Variants in PTPN13 observed in about 807,000 individuals in gnomAD.
PTPN13 encodes tyrosine-protein phosphatase non-receptor type 13.
A neutral mutation model predicts 284.0 loss-of-function variants in PTPN13; 191 were observed. The observed-to-expected ratio is 0.67, with a 90% confidence interval of 0.60 to 0.76. The LOEUF (loss-of-function observed/expected upper bound fraction) is 0.76, where lower values mean the gene tolerates loss of function less well. Ranked by LOEUF, PTPN13 falls within the 30% of genes least tolerant of loss-of-function variation. PTPN13 has a pLI of 0.00. For synonymous variants in PTPN13, 986 were observed against 1,022.3 expected, an observed-to-expected ratio of 0.96 and a Z score of 0.68; for missense variants, 2,797 against 2,939.9, an observed-to-expected ratio of 0.95 and a Z score of 1.12.
intron 3 of PTPN13, among the ~76,000 whole-genome samples, chr4:86,674,708 A>G (rs918450743): frequency 6.6e-6 from 1 of 152,230 alleles, no homozygotes; most frequent in Non-Finnish European, 1.5e-5. Context: ...TTCCCATTAC[A>G]TAAGATGAAG....
At chr4:86,667,838 T>C (rs528887317) in intron 2 of PTPN13, among the ~76,000 whole-genome samples, 60 of 152,328 alleles carry the variant, frequency 3.9e-4, no homozygotes, top group African/African-American at 1.4e-3. Context: ...CAAAATGGTT[T>C]CCTGATACTT....
At chr4:86,741,510 T>C in intron 15 of PTPN13, 124 bp from the exon 16 acceptor site, 1 of 817,838 alleles carries the variant, frequency 1.2e-6, no homozygotes, top group Middle Eastern at 2.7e-4. Flanking sequence ...GTCTCTCCCA[T>C]AACATGTGGG....
chr4:86,656,423 G>A (rs1725816135), intron 2 of PTPN13, among the ~76,000 whole-genome samples: 1 of 152,204 alleles, frequency 6.6e-6, no homozygotes, highest in African/African-American at 2.4e-5. Flanking sequence ...GGGTTTTGGT[G>A]TGGATGTCCT....
intron 40 of PTPN13, among the ~76,000 whole-genome samples, chr4:86,794,027 C>CA (rs1206414867): frequency 2.0e-5 from 3 of 152,054 alleles, no homozygotes; most frequent in Non-Finnish European, 2.9e-5. Flanking sequence ...GATAGAGACA[C>CA]AAAAAACCAT....
chr4:86,790,651 C>G (rs1742515651), intron 40 of PTPN13, among the ~76,000 whole-genome samples: 1 of 151,932 alleles, frequency 6.6e-6, no homozygotes, highest in Admixed American at 6.5e-5. Context: ...TAAGGATTCA[C>G]CCTTAGAAGG....
chr4:86,723,746 A>G (rs2149095568), intron 10 of PTPN13, among the ~76,000 whole-genome samples: 1 of 152,294 alleles, frequency 6.6e-6, no homozygotes, highest in South Asian at 2.1e-4. Flanking sequence ...TTTTACTATC[A>G]TCAGCTTGAA....
intron 7 of PTPN13, among the ~76,000 whole-genome samples, chr4:86,706,818 C>G (rs1731819392): frequency 6.6e-6 from 1 of 152,182 alleles, no homozygotes; most frequent in South Asian, 2.1e-4. Context: ...AGAAACATAA[C>G]TTAGGTTTCT....
chr4:86,600,740 A>G (rs529419235), intron 1 of PTPN13, among the ~76,000 whole-genome samples: 2 of 152,162 alleles, frequency 1.3e-5, no homozygotes, highest in East Asian at 1.9e-4. Flanking sequence ...TTTTAGCACT[A>G]TTTAAGTATT....
At chr4:86,635,114 A>C in intron 1 of PTPN13, 138 bp from the exon 2 acceptor site, 1 of 926,654 alleles carries the variant, frequency 1.1e-6, no homozygotes, top group Non-Finnish European at 1.6e-6. Flanking sequence ...GTTTAAGATA[A>C]CATTTAGATT....
intron 1 of PTPN13, among the ~76,000 whole-genome samples, chr4:86,606,663 A>G (rs975882116): frequency 1.3e-5 from 2 of 151,916 alleles, no homozygotes. Context: ...CGTCAAGTGC[A>G]ATGCAATTCA....
chr4:86,803,940 T>A, intron 43 of PTPN13, 83 bp downstream of exon 43: 1 of 1,466,584 alleles, frequency 6.8e-7, no homozygotes, highest in Non-Finnish European at 9.2e-7. Flanking sequence ...GGCCCAAGAT[T>A]AGAAGAATTT....
At chr4:86,763,577 C>T (rs1217131526) in intron 24 of PTPN13, among the ~76,000 whole-genome samples, 3 of 152,104 alleles carry the variant, frequency 2.0e-5, no homozygotes, top group Non-Finnish European at 2.9e-5. Flanking sequence ...CTAAATTCTT[C>T]TGAAGTTCTG....
At chr4:86,708,363 A>G (rs918071680) in intron 7 of PTPN13, among the ~76,000 whole-genome samples, 6 of 151,582 alleles carry the variant, frequency 4.0e-5, no homozygotes, top group Non-Finnish European at 8.9e-5. Context: ...CTGAGAATGT[A>G]TATTTACTTC....
Position 86,606,365 on chromosome 4 carries a change from T to G in PTPN13, c.-6+11576T>G, listed in dbSNP as rs536325164. ...TTACTCATTTTTTAATATTCTGCTATAGTAGTTGGTTTTATATTTGCCCCA... is the reference window on the plus strand; with the variant it reads ...TTACTCATTTTTTAATATTCTGCTAGAGTAGTTGGTTTTATATTTGCCCCA... On this transcript the variant is annotated intron_variant, in intron 1 of 47. Coordinates refer to ENST00000411767, the MANE Select transcript of PTPN13 (RefSeq NM_080683.3). Among the ~76,000 whole-genome samples the G allele has an allele frequency of 3.3e-5, 5 of 152,030 alleles. No individual in the cohort carries two copies. In the South Asian group the frequency reaches 1.0e-3, roughly 31 times the overall value.
intron 14 of PTPN13, among the ~76,000 whole-genome samples, chr4:86,735,243 T>G (rs1297436465): frequency 6.6e-6 from 1 of 152,160 alleles, no homozygotes; most frequent in East Asian, 1.9e-4. Context: ...TGTGGAGAAC[T>G]CACAGTATAC....
At chr4:86,738,969 C>T (rs932364112) in intron 15 of PTPN13, among the ~76,000 whole-genome samples, 1 of 152,212 alleles carries the variant, frequency 6.6e-6, no homozygotes, top group African/African-American at 2.4e-5. Flanking sequence ...GCATAAGCCA[C>T]TGTGCCAGCC....
chr4:86,682,841 A>T (rs1302421199), intron 3 of PTPN13, among the ~76,000 whole-genome samples: 2 of 152,164 alleles, frequency 1.3e-5, no homozygotes, highest in Non-Finnish European at 2.9e-5. Context: ...CCCTGTACTG[A>T]CTGTTTGGAA....
chr4:86,772,983 A>G (rs752918156), intron 32 of PTPN13, 25 bp downstream of exon 32: 3 of 1,451,348 alleles, frequency 2.1e-6, no homozygotes, highest in Non-Finnish European at 2.8e-6. Context: ...CTATATTTAA[A>G]AAAAAATCCA....
At chr4:86,781,960 G>GA (rs370324871) in intron 36 of PTPN13, among the ~76,000 whole-genome samples, 2,012 of 113,704 alleles carry the variant, frequency 0.018, 24 homozygotes, top group African/African-American at 0.044. Context: ...TGACTCTGTC[G>GA]AAAAAAAAAA....
Sources: gnomAD v4.1 joint callset for allele counts (sites outside exome capture counted in the v4.1 genomes callset) on GRCh38, gnomAD v4.1.1 for gene constraint, MANE v1.5 for transcripts, NCBI Gene and HGNC (gene_info 2026-07-23, HGNC 2026-07-21) for gene names.